ETV5: variants seen among roughly 807,000 people sequenced by gnomAD.
ETV5 encodes the protein ETS variant transcription factor 5, also known as ETS translocation variant 5.
Under a neutral mutation model 70.0 loss-of-function variants are expected in ETV5, and 10 were observed. The ratio of observed to expected loss-of-function variants is 0.14; its 90% CI spans 0.09 to 0.24. The LOEUF is 0.24. ETV5 is among the 10% of genes least tolerant of loss of function. ETV5 has a pLI of 1.00. For synonymous variants in ETV5, 216 were observed against 242.2 expected (o/e 0.89, Z 1.01); for missense variants, 453 against 651.2 (o/e 0.70, Z 3.31).
intron 5 of ETV5, among the ~76,000 whole-genome samples, chr3:186,089,516 A>G (rs1039926768): frequency 4.6e-5 from 7 of 152,208 alleles, no homozygotes; most frequent in Admixed American, 4.6e-4. Context: ...CTCTGACCCA[A>G]TTATCTCCAT....
At position 186,046,921 on chromosome 3, in the gene ETV5, C is replaced by T. The variant is rs1318789981; in HGVS notation, c.*1718G>A. On this transcript the variant is annotated 3_prime_UTR_variant, in exon 13 of 13. Coordinates refer to ENST00000306376, the MANE Select transcript of ETV5 (RefSeq NM_004454.3). The stretch of plus-strand genomic sequence containing the variant: ...TAATTAGCTTCCAATAGAGGAGAAT[C>T]TCATGTTTCCATAGCTATAAAGTGC... 4.3e-6 allele frequency: 1 copy of T among 230,960 alleles called. No homozygotes were observed. The highest frequency in any genetic ancestry group is 8.6e-6 in the Non-Finnish European group (1 of 116,418). The allele number at this position is 230,960 out of a possible 1,614,324, so 14.3% of individuals were successfully genotyped here. A position where few individuals can be genotyped will look rare whatever the true frequency, so the allele number is the denominator to read the frequency against.
intron 5 of ETV5, among the ~76,000 whole-genome samples, chr3:186,104,103 A>T (rs1305564492): frequency 2.6e-5 from 4 of 152,234 alleles, no homozygotes; most frequent in African/African-American, 7.2e-5. Context: ...TATGACTAAG[A>T]GACATGAATT....
chr3:186,046,671 A>C lies in ETV5; in HGVS notation c.*1968T>G, dbSNP rs1483910686. On this transcript the variant is annotated 3_prime_UTR_variant, in exon 13 of 13. Transcript: ENST00000306376. ...TGCTAAGACAGCATAAATCCATTCAAAAGAAAAAAAAAAAAAATCCAAACC... is the reference window on the plus strand; with the variant it reads ...TGCTAAGACAGCATAAATCCATTCACAAGAAAAAAAAAAAAAATCCAAACC... The C allele has an allele frequency of 1.5e-4, 29 of 193,904 alleles. No homozygotes were observed. Among genetic ancestry groups the C allele is most frequent in the African/African-American group, 7.6e-4 (23 of 30,400 alleles). 12.0% of individuals were successfully genotyped at this position (193,904 alleles called of 1,614,324 possible).
chr3:186,069,408 C>T (rs1713538304), intron 7 of ETV5, among the ~76,000 whole-genome samples: 1 of 152,154 alleles, frequency 6.6e-6, no homozygotes, highest in Admixed American at 6.5e-5. Flanking sequence ...GTGTAAATTC[C>T]CGTCTCAGGT....
chr3:186,103,176 ACAT>A (rs1464198900), intron 5 of ETV5, among the ~76,000 whole-genome samples: 1 of 152,158 alleles, frequency 6.6e-6, no homozygotes, highest in Non-Finnish European at 1.5e-5. Flanking sequence ...AGTAAAAAAA[ACAT>A]CATACTTGGT....
chr3:186,059,624 C>T (rs1288797416), intron 9 of ETV5, among the ~76,000 whole-genome samples: 1 of 152,156 alleles, frequency 6.6e-6, no homozygotes. Flanking sequence ...CCAAGAGTAG[C>T]TCCTGGTACA....
At chr3:186,058,224 C>T (rs1315527615) in intron 9 of ETV5, among the ~76,000 whole-genome samples, 1 of 152,218 alleles carries the variant, frequency 6.6e-6, no homozygotes, top group Non-Finnish European at 1.5e-5. Flanking sequence ...TGACAGTCTT[C>T]ATCCACAAAC....
At chr3:186,072,198 C>T (rs138264460) in intron 7 of ETV5, among the ~76,000 whole-genome samples, 8 of 151,610 alleles carry the variant, frequency 5.3e-5, no homozygotes, top group East Asian at 2.0e-4. Flanking sequence ...CTGGCCAACA[C>T]GGTGAAACCT....
intron 5 of ETV5, among the ~76,000 whole-genome samples, chr3:186,089,227 C>A (rs1021374487): frequency 6.6e-6 from 1 of 152,240 alleles, no homozygotes; most frequent in Non-Finnish European, 1.5e-5. Context: ...ACTTGTTTAA[C>A]ATTGATCCTG....
Position 186,078,039 on chromosome 3 carries a change from A to G in ETV5, c.650+1778T>C, listed in dbSNP as rs535893397. ...TCTTCCTTTCAACACCCACGGGCAA[A>G]TAACTCATCAATCCCAGGAATCCAA... On this transcript the variant is annotated intron_variant, in intron 7 of 12. Transcript: ENST00000306376. 67 of 1,057,320 alleles carry G rather than the reference A, an allele frequency of 6.3e-5. 1 individual carries two copies. The South Asian group carries it at 2.9e-3, about 45-fold the overall frequency. The allele number at this position is 1,057,320 out of a possible 1,614,324, so 65.5% of individuals were successfully genotyped here. A position where few individuals can be genotyped will look rare whatever the true frequency, so the allele number is the denominator to read the frequency against.
At chr3:186,096,333 A>ATGG (rs1714302262) in intron 5 of ETV5, among the ~76,000 whole-genome samples, 2 of 152,184 alleles carry the variant, frequency 1.3e-5, no homozygotes, top group Non-Finnish European at 1.5e-5. Flanking sequence ...TGAAAGAGAC[A>ATGG]TCCCCCCCTC....
intron 5 of ETV5, among the ~76,000 whole-genome samples, chr3:186,085,008 C>T (rs1255318473): frequency 6.6e-6 from 1 of 152,156 alleles, no homozygotes; most frequent in East Asian, 1.9e-4. Flanking sequence ...CCTTTATGCC[C>T]AGTTGCTCTT....
chr3:186,082,428 CTTT>C (rs1003609474), intron 5 of ETV5, among the ~76,000 whole-genome samples: 3 of 139,704 alleles, frequency 2.1e-5, no homozygotes, highest in Admixed American at 7.1e-5. Context: ...TCACTTTTCT[CTTT>C]TTTTTTTTTT....
chr3:186,062,544 C>G (rs1407956734), intron 9 of ETV5, among the ~76,000 whole-genome samples: 2 of 152,112 alleles, frequency 1.3e-5, no homozygotes, highest in Non-Finnish European at 2.9e-5. Flanking sequence ...ATCACTTGAA[C>G]CCGGGAGGCA....
At chr3:186,076,965 T>C (rs989529647) in intron 7 of ETV5, among the ~76,000 whole-genome samples, 3 of 152,212 alleles carry the variant, frequency 2.0e-5, no homozygotes, top group Admixed American at 6.5e-5. Context: ...TAGTAGACAT[T>C]AGTGGATGTT....
intron 9 of ETV5, among the ~76,000 whole-genome samples, chr3:186,062,820 A>G (rs1315254394): frequency 6.6e-6 from 1 of 152,246 alleles, no homozygotes; most frequent in African/African-American, 2.4e-5. Context: ...CTATATTTAC[A>G]TATGCACAGC....
chr3:186,071,506 C>CA (rs1305639961), intron 7 of ETV5, among the ~76,000 whole-genome samples: 1 of 151,964 alleles, frequency 6.6e-6, no homozygotes, highest in Admixed American at 6.6e-5. Flanking sequence ...GTTTCCTCTC[C>CA]AAAAAAATAA....
chr3:186,079,772 G>A (rs766482700), intron 7 of ETV5, 45 bp downstream of exon 7: 2 of 1,557,964 alleles, frequency 1.3e-6, no homozygotes, highest in Admixed American at 4.1e-5. Flanking sequence ...AGAAAGGATA[G>A]GAGTGAGGGA....
chr3:186,095,888 G>A (rs1714290866), intron 5 of ETV5, among the ~76,000 whole-genome samples: 1 of 152,194 alleles, frequency 6.6e-6, no homozygotes, highest in African/African-American at 2.4e-5. Flanking sequence ...ATGTGGTAGG[G>A]AATGCGGTGG....
Sources: allele counts gnomAD v4.1 joint callset (sites outside exome capture counted in the v4.1 genomes callset), GRCh38; gene constraint gnomAD v4.1.1; transcripts MANE v1.5; gene names NCBI Gene and HGNC (gene_info 2026-07-23, HGNC 2026-07-21).